MARCHF11: variants seen among roughly 807,000 people sequenced by gnomAD.
MARCHF11 encodes membrane associated ring-CH-type finger 11, also known as E3 ubiquitin-protein ligase MARCHF11.
Under a neutral mutation model 37.3 loss-of-function variants are expected in MARCHF11, and 29 were observed. That is an observed-to-expected ratio of 0.78 (90% CI 0.58 to 1.06). The LOEUF (loss-of-function observed/expected upper bound fraction) is 1.06, where lower values mean the gene tolerates loss of function less well. Among genes scored for constraint, MARCHF11 ranks in the 50% least tolerant of loss-of-function variants. MARCHF11 has a pLI of 0.00. For missense variants in MARCHF11, 482 were observed against 533.4 expected, an observed-to-expected ratio of 0.90 and a Z score of 0.95; for synonymous variants, 233 against 228.0, an observed-to-expected ratio of 1.02 and a Z score of -0.20.
intron 2 of MARCHF11, among the ~76,000 whole-genome samples, chr5:16,103,793 C>A (rs1479560460): frequency 1.3e-5 from 2 of 152,152 alleles, no homozygotes; most frequent in Non-Finnish European, 2.9e-5. Context: ...ATAAGAATTA[C>A]TGAAACCACC....
At chr5:16,088,374 T>TC (rs1171376367) in intron 3 of MARCHF11, among the ~76,000 whole-genome samples, 1 of 152,166 alleles carries the variant, frequency 6.6e-6, no homozygotes, top group African/African-American at 2.4e-5. Flanking sequence ...CTAGCACTGT[T>TC]CAACACATAG....
intron 2 of MARCHF11, among the ~76,000 whole-genome samples, chr5:16,116,859 A>G (rs1226107959): frequency 6.6e-6 from 1 of 152,208 alleles, no homozygotes; most frequent in Non-Finnish European, 1.5e-5. Flanking sequence ...CCTCCATCCC[A>G]TGTATGGTCA....
At position 16,174,271 on chromosome 5, in the gene MARCHF11, A is replaced by C. The variant is rs180872969; in HGVS notation, c.693+3455T>G. ...TCATCTTGGATATGTTAATAAATAA[A>C]ATAGATTCTGCCAGTAGATAGGAAG... On this transcript the variant is annotated intron_variant, in intron 2 of 3. Coordinates refer to ENST00000332432, the MANE Select transcript of MARCHF11 (RefSeq NM_001102562.3). Among the ~76,000 whole-genome samples, 5 of 152,358 alleles carry C rather than the reference A, an allele frequency of 3.3e-5. No individual in the cohort carries two copies. In the East Asian group the frequency reaches 9.7e-4, roughly 29 times the overall value.
chr5:16,174,372 C>T (rs1242595759), intron 2 of MARCHF11, among the ~76,000 whole-genome samples: 1 of 152,206 alleles, frequency 6.6e-6, no homozygotes, highest in South Asian at 2.1e-4. Context: ...GGTTTAACTA[C>T]GTTGTACAGG....
chr5:16,170,559 G>A (rs535343004), intron 2 of MARCHF11, among the ~76,000 whole-genome samples: 35 of 152,138 alleles, frequency 2.3e-4, no homozygotes, highest in African/African-American at 6.5e-4. Context: ...TAATGAATGC[G>A]ATTTGTTTTC....
intron 3 of MARCHF11, among the ~76,000 whole-genome samples, chr5:16,081,710 G>A (rs1340799317): frequency 6.6e-6 from 1 of 152,188 alleles, no homozygotes; most frequent in Non-Finnish European, 1.5e-5. Context: ...CTCCTATGGA[G>A]GAGACGAAAC....
intron 2 of MARCHF11, among the ~76,000 whole-genome samples, chr5:16,158,643 C>T (rs914446627): frequency 6.6e-6 from 1 of 151,916 alleles, no homozygotes; most frequent in African/African-American, 2.4e-5. Flanking sequence ...AAGAAATAAG[C>T]TCAGGAGATC....
intron 2 of MARCHF11, among the ~76,000 whole-genome samples, chr5:16,130,125 G>A (rs183860382): frequency 4.6e-5 from 7 of 152,010 alleles, no homozygotes; most frequent in Admixed American, 3.3e-4. Flanking sequence ...GGTAAATACA[G>A]GTAAAATCTC....
At chr5:16,140,681 C>T (rs1032221011) in intron 2 of MARCHF11, among the ~76,000 whole-genome samples, 5 of 152,280 alleles carry the variant, frequency 3.3e-5, no homozygotes, top group East Asian at 1.9e-4. Context: ...ACTTCCCTTA[C>T]GTTCTCAACA....
chr5:16,109,576 A>G (rs1346140787), intron 2 of MARCHF11, among the ~76,000 whole-genome samples: 3 of 152,174 alleles, frequency 2.0e-5, no homozygotes, highest in Non-Finnish European at 4.4e-5. Context: ...CGTATCCTCT[A>G]TAGCAAAAGG....
At chr5:16,084,882 A>G (rs1736670200) in intron 3 of MARCHF11, among the ~76,000 whole-genome samples, 1 of 152,098 alleles carries the variant, frequency 6.6e-6, no homozygotes, top group Non-Finnish European at 1.5e-5. Flanking sequence ...CAAAAGAAAG[A>G]CAACATAAAC....
chr5:16,159,876 C>T lies in MARCHF11; in HGVS notation c.693+17850G>A, dbSNP rs1190450747. Among the ~76,000 whole-genome samples, 24 of 151,940 alleles carry T rather than the reference C, an allele frequency of 1.6e-4. 1 individual carries two copies. Among genetic ancestry groups the T allele is most frequent in the Admixed American group, 1.6e-3 (24 of 15,202 alleles). On this transcript the variant is annotated intron_variant, in intron 2 of 3. Coordinates refer to ENST00000332432, the MANE Select transcript of MARCHF11 (RefSeq NM_001102562.3). ...AAAATTTCTCCCTCCAGCAAGATGG[C>T]TTGCCATTAGTAAAATAATCCTTGG...
rs1277048402 is a variant in MARCHF11 at position 16,085,204 on chromosome 5, A to T, written c.886+5685T>A. On this transcript the variant is annotated intron_variant, in intron 3 of 3. Transcript: ENST00000332432. Reference sequence around the variant, plus strand: ...CCCCGTAGCGTTAAAATTATAATAGATTTTTTTTTTTAAAGTGATCCAAAA... The same window carrying T: ...CCCCGTAGCGTTAAAATTATAATAGTTTTTTTTTTTTAAAGTGATCCAAAA... Among the ~76,000 whole-genome samples, 6 of 149,216 alleles carry T rather than the reference A, an allele frequency of 4.0e-5. No homozygotes were observed. The East Asian group carries it at 1.2e-3, about 29-fold the overall frequency.
chr5:16,067,320 A>C lies in MARCHF11; in HGVS notation c.*151T>G, dbSNP rs758031198. On this transcript the variant is annotated 3_prime_UTR_variant, in exon 4 of 4. Transcript: ENST00000332432. ...AACAAGAGGACTCTTTTTCTCAGAA[A>C]AATGTATTTGCAATTCAAATGTTCA... 3.5e-5 allele frequency: 24 copies of C among 679,808 alleles called. No homozygotes were observed. Among genetic ancestry groups the C allele is most frequent in the Non-Finnish European group, 5.5e-5 (23 of 418,718 alleles). 42.1% of individuals were successfully genotyped at this position (679,808 alleles called of 1,614,324 possible). A position where few individuals can be genotyped will look rare whatever the true frequency, so the allele number is the denominator to read the frequency against.
chr5:16,143,313 C>T (rs2126593202), intron 2 of MARCHF11, among the ~76,000 whole-genome samples: 1 of 152,132 alleles, frequency 6.6e-6, no homozygotes, highest in Middle Eastern at 3.4e-3. Context: ...GACAGGGAGA[C>T]AAGTCTTGAC....
intron 2 of MARCHF11, among the ~76,000 whole-genome samples, chr5:16,157,798 A>G (rs974101927): frequency 1.3e-5 from 2 of 151,920 alleles, no homozygotes; most frequent in East Asian, 3.9e-4. Flanking sequence ...TGGAGATGAT[A>G]CCAAAAACAC....
chr5:16,069,583 T>C (rs568021309), intron 3 of MARCHF11, among the ~76,000 whole-genome samples: 1 of 151,866 alleles, frequency 6.6e-6, no homozygotes, highest in Admixed American at 6.6e-5. Flanking sequence ...AGTAAGGAGG[T>C]CACCGCATTT....
intron 2 of MARCHF11, among the ~76,000 whole-genome samples, chr5:16,174,371 A>G (rs1453204622): frequency 6.6e-6 from 1 of 152,244 alleles, no homozygotes; most frequent in East Asian, 1.9e-4. Flanking sequence ...AGGTTTAACT[A>G]CGTTGTACAG....
Position 16,092,362 on chromosome 5 carries a change from T to A in MARCHF11, c.694-1281A>T, listed in dbSNP as rs115425126. Among the ~76,000 whole-genome samples the A allele has an allele frequency of 6.5e-3, 993 of 152,362 alleles. 16 individuals carry two copies. The highest frequency in any genetic ancestry group is 0.023 in the African/African-American group (946 of 41,578). ...AAATATTTCATTCTCTAAAGTCAAT[T>A]ACCTTATTTTTGTTTTAAATAACAG... On this transcript the variant is annotated intron_variant, in intron 2 of 3. Coordinates refer to ENST00000332432, the MANE Select transcript of MARCHF11 (RefSeq NM_001102562.3).
Sources: allele counts gnomAD v4.1 joint callset (sites outside exome capture counted in the v4.1 genomes callset), GRCh38; gene constraint gnomAD v4.1.1; transcripts MANE v1.5; gene names NCBI Gene and HGNC (gene_info 2026-07-23, HGNC 2026-07-21).